The following PDE4D variants were observed in gnomAD, a reference collection of about 807,000 sequenced individuals.
The protein encoded by PDE4D is phosphodiesterase 4D, also known as 3',5'-cyclic-AMP phosphodiesterase 4D.
In PDE4D, 24 loss-of-function variants were observed where a neutral mutation model predicts 87.4. The observed-to-expected ratio is 0.27, with a 90% CI of 0.20 to 0.39. PDE4D has a LOEUF of 0.39. PDE4D is among the 10% of genes least tolerant of loss of function. The probability of loss-of-function intolerance (pLI) is 1.00; values close to 1 mark genes in which losing one functional copy is unlikely to be tolerated. For synonymous variants in PDE4D, 384 were observed against 383.2 expected (o/e 1.00, Z -0.02); for missense variants, 714 against 1,041.0 (o/e 0.69, Z 4.32).
At chr5:59,108,948 G>A (rs1198229579) in intron 5 of PDE4D, among the ~76,000 whole-genome samples, 1 of 122,566 alleles carries the variant, frequency 8.2e-6, no homozygotes, top group Non-Finnish European at 1.7e-5. Flanking sequence ...AAATTCATAG[G>A]AACTCAATGT....
intron 1 of PDE4D, among the ~76,000 whole-genome samples, chr5:59,760,857 A>T (rs906123307): frequency 3.3e-5 from 5 of 152,170 alleles, no homozygotes; most frequent in Admixed American, 6.6e-5. Flanking sequence ...AATGTTTTTC[A>T]TTGTGACATT....
chr5:59,719,209 GA>G (rs111515916), intron 1 of PDE4D, among the ~76,000 whole-genome samples: 12,270 of 150,642 alleles, frequency 0.081, 1,546 homozygotes, highest in African/African-American at 0.27. Context: ...CTCTCCAGGA[GA>G]AAAAAAAAGG....
intron 2 of PDE4D, among the ~76,000 whole-genome samples, chr5:59,199,613 T>C (rs1746276571): frequency 6.6e-6 from 1 of 152,170 alleles, no homozygotes; most frequent in Non-Finnish European, 1.5e-5. Flanking sequence ...CATCTATCAA[T>C]TCACCCTTGA....
At chr5:59,947,753 A>G (rs1034844398) in intron 3 of PDE4D, among the ~76,000 whole-genome samples, 2 of 152,216 alleles carry the variant, frequency 1.3e-5, no homozygotes, top group Non-Finnish European at 2.9e-5. Flanking sequence ...CCATGCCTGT[A>G]ATCCCAGCAC....
chr5:60,059,342 A>G (rs1771144045), intron 2 of PDE4D, among the ~76,000 whole-genome samples: 5 of 152,104 alleles, frequency 3.3e-5, no homozygotes, highest in South Asian at 2.1e-4. Context: ...ATTACATAAT[A>G]TCTTGTGTGA....
At chr5:59,036,545 C>T (rs926915767) in intron 6 of PDE4D, among the ~76,000 whole-genome samples, 11 of 152,204 alleles carry the variant, frequency 7.2e-5, no homozygotes, top group Non-Finnish European at 1.6e-4. Context: ...ATCAGCTGCT[C>T]CAACTCAGTT....
At chr5:60,320,602 T>A (rs1228001036) in intron 1 of PDE4D, among the ~76,000 whole-genome samples, 1 of 152,140 alleles carries the variant, frequency 6.6e-6, no homozygotes, top group African/African-American at 2.4e-5. Flanking sequence ...CTGGAGCTGT[T>A]CCTATTCAGC....
intron 1 of PDE4D, among the ~76,000 whole-genome samples, chr5:59,373,013 A>G (rs1784174454): frequency 1.5e-5 from 1 of 65,260 alleles, no homozygotes; most frequent in Non-Finnish European, 3.6e-5. Context: ...GGATAAAAGG[A>G]AAAAAAAAAC....
rs969105935 is a variant in PDE4D at position 58,970,060 on chromosome 5, T to G, written c.*4604A>C. On this transcript the variant is annotated 3_prime_UTR_variant, in exon 15 of 15. Coordinates refer to ENST00000340635, the MANE Select transcript of PDE4D (RefSeq NM_001104631.2). ...GAATAATCTTTTATTTGTAAAAGAT[T>G]GAGTCATAAATAGGCAGAATCAACC... 4 of 152,176 alleles carry G rather than the reference T, an allele frequency of 2.6e-5. No homozygotes were observed. Among genetic ancestry groups the G allele is most frequent in the African/African-American group, 9.7e-5 (4 of 41,442 alleles). The allele number at this position is 152,176 out of a possible 1,614,324, so 9.4% of individuals were successfully genotyped here.
intron 1 of PDE4D, among the ~76,000 whole-genome samples, chr5:59,611,767 G>A (rs1177672592): frequency 6.6e-6 from 1 of 152,178 alleles, no homozygotes; most frequent in African/African-American, 2.4e-5. Flanking sequence ...TGAAGTCCTA[G>A]AATGAACTGT....
At chr5:59,127,465 C>T (rs765161942) in intron 5 of PDE4D, among the ~76,000 whole-genome samples, 1 of 151,906 alleles carries the variant, frequency 6.6e-6, no homozygotes, top group South Asian at 2.1e-4. Context: ...GGTTAATGAG[C>T]CCAGGCAGCA....
At chr5:59,344,991 G>C (rs780978490) in intron 1 of PDE4D, among the ~76,000 whole-genome samples, 3 of 151,864 alleles carry the variant, frequency 2.0e-5, no homozygotes, top group African/African-American at 4.8e-5. Flanking sequence ...GCCAGAAGCC[G>C]GATTGATATC....
intron 6 of PDE4D, among the ~76,000 whole-genome samples, chr5:59,032,556 C>T (rs1298787955): frequency 1.3e-5 from 2 of 151,978 alleles, no homozygotes; most frequent in Non-Finnish European, 1.5e-5. Context: ...TCCAGCCTGG[C>T]GACAGAGCGA....
At chr5:59,886,210 C>T (rs1425761676) in intron 1 of PDE4D, among the ~76,000 whole-genome samples, 1 of 152,204 alleles carries the variant, frequency 6.6e-6, no homozygotes, top group Non-Finnish European at 1.5e-5. Flanking sequence ...CAATTGATAA[C>T]TGCTAGAGTA....
At chr5:60,043,226 G>C (rs1409714005) in intron 2 of PDE4D, among the ~76,000 whole-genome samples, 1 of 151,718 alleles carries the variant, frequency 6.6e-6, no homozygotes, top group Non-Finnish European at 1.5e-5. Context: ...ATGAAAGAAA[G>C]GGTGAAGACA....
At chr5:60,125,117 G>C (rs1345386905) in intron 2 of PDE4D, among the ~76,000 whole-genome samples, 1 of 151,922 alleles carries the variant, frequency 6.6e-6, no homozygotes, top group Admixed American at 6.6e-5. Flanking sequence ...ACCCAAATTA[G>C]ATTTGTAAAA....
intron 1 of PDE4D, among the ~76,000 whole-genome samples, chr5:59,691,048 A>C (rs1750825705): frequency 6.6e-6 from 1 of 152,176 alleles, no homozygotes; most frequent in Non-Finnish European, 1.5e-5. Flanking sequence ...TTAAAATGGC[A>C]ATCATTAAAA....
At chr5:59,558,393 GA>G (rs1819342888) in intron 1 of PDE4D, among the ~76,000 whole-genome samples, 1 of 152,024 alleles carries the variant, frequency 6.6e-6, no homozygotes, top group South Asian at 2.1e-4. Context: ...GTGAAGCCTT[GA>G]AGGAAGTGAG....
At chr5:60,479,877 C>T (rs1748596899) in intron 1 of PDE4D, among the ~76,000 whole-genome samples, 2 of 152,172 alleles carry the variant, frequency 1.3e-5, no homozygotes, top group South Asian at 2.1e-4. Flanking sequence ...AACTGACACC[C>T]TGAGTGACAC....
Sources: allele counts gnomAD v4.1 joint callset (sites outside exome capture counted in the v4.1 genomes callset), GRCh38; gene constraint gnomAD v4.1.1; transcripts MANE v1.5; gene names NCBI Gene and HGNC (gene_info 2026-07-23, HGNC 2026-07-21).